The following DLG1 variants were observed in gnomAD, a reference collection of about 807,000 sequenced individuals.
The protein encoded by DLG1 is discs large MAGUK scaffold protein 1.
DLG1 carries 42 observed loss-of-function variants against 123.4 expected under a neutral mutation model. That is an observed-to-expected ratio of 0.34 (90% CI 0.27 to 0.44). The LOEUF (loss-of-function observed/expected upper bound fraction) is 0.44, where lower values mean the gene tolerates loss of function less well. Among genes scored for constraint, DLG1 ranks in the 20% least tolerant of loss-of-function variants. DLG1 has a pLI of 1.00. For missense variants in DLG1, 942 were observed against 1,082.6 expected (o/e 0.87, Z 1.82); for synonymous variants, 317 against 356.2 (o/e 0.89, Z 1.24).
chr3:197,131,362 CAATT>C (rs1197306799), intron 10 of DLG1, among the ~76,000 whole-genome samples: 3 of 152,010 alleles, frequency 2.0e-5, no homozygotes, highest in Admixed American at 6.5e-5. Flanking sequence ...ATTTATACAT[CAATT>C]AGTTTTAAAT....
intron 4 of DLG1, among the ~76,000 whole-genome samples, chr3:197,224,327 A>G (rs1194733011): frequency 6.6e-6 from 1 of 152,154 alleles, no homozygotes; most frequent in Non-Finnish European, 1.5e-5. Context: ...TTTTATAATA[A>G]TAGTATTTTG....
intron 24 of DLG1, among the ~76,000 whole-genome samples, chr3:197,050,283 C>T (rs1407215430): frequency 1.3e-5 from 2 of 151,786 alleles, no homozygotes; most frequent in Non-Finnish European, 2.9e-5. Flanking sequence ...AGGAGAATGG[C>T]GTGAACACGG....
Position 197,136,731 on chromosome 3 carries a change from G to A in DLG1, c.884-53C>T, listed in dbSNP as rs937451271. 27 of 1,491,036 alleles carry A rather than the reference G, an allele frequency of 1.8e-5. No homozygotes were observed. The African/African-American group carries it at 3.4e-4, about 19-fold the overall frequency. The allele number at this position is 1,491,036 out of a possible 1,614,324, so 92.4% of individuals were successfully genotyped here. Reference sequence around the variant, plus strand: ...ATCCATAAATATGAACTTAAGCCCAGAAAGAAATGGTTGAAAACTACAAGG... The same window carrying A: ...ATCCATAAATATGAACTTAAGCCCAAAAAGAAATGGTTGAAAACTACAAGG... On this transcript the variant is annotated intron_variant, in intron 9 of 24. Coordinates refer to ENST00000667157, the MANE Select transcript of DLG1 (RefSeq NM_001366207.1).
intron 5 of DLG1, among the ~76,000 whole-genome samples, chr3:197,186,694 C>T (rs906312821): frequency 2.0e-5 from 3 of 152,262 alleles, no homozygotes; most frequent in African/African-American, 4.8e-5. Flanking sequence ...TCTAAAGTCA[C>T]AAACCCAGCA....
At chr3:197,222,093 T>C (rs1417780587) in intron 4 of DLG1, among the ~76,000 whole-genome samples, 1 of 152,168 alleles carries the variant, frequency 6.6e-6, no homozygotes, top group Non-Finnish European at 1.5e-5. Context: ...CAAACACAAT[T>C]TTTCCCCCGA....
intron 24 of DLG1, among the ~76,000 whole-genome samples, chr3:197,050,874 T>C (rs146952495): frequency 2.7e-3 from 414 of 152,332 alleles, no homozygotes; most frequent in African/African-American, 9.5e-3. Flanking sequence ...TACACATTTA[T>C]CAAATCACAT....
At chr3:197,195,136 G>A (rs1218081357) in intron 4 of DLG1, among the ~76,000 whole-genome samples, 2 of 151,412 alleles carry the variant, frequency 1.3e-5, no homozygotes, top group Non-Finnish European at 2.9e-5. Flanking sequence ...AAGCTGAGAA[G>A]GCCTATGGCA....
chr3:197,090,009 T>C (rs1756850052), intron 15 of DLG1, among the ~76,000 whole-genome samples: 2 of 151,776 alleles, frequency 1.3e-5, no homozygotes, highest in South Asian at 4.2e-4. Context: ...GTAAGTCATA[T>C]CATATGTAAA....
At chr3:197,101,551 A>G (rs1241727197) in intron 14 of DLG1, among the ~76,000 whole-genome samples, 1 of 151,814 alleles carries the variant, frequency 6.6e-6, no homozygotes, top group Non-Finnish European at 1.5e-5. Context: ...ACGCCTGGCT[A>G]ATTTTGGTTT....
At position 197,166,391 on chromosome 3, in the gene DLG1, G is replaced by A. The variant is rs116345201; in HGVS notation, c.484-16595C>T. 8.4e-3 allele frequency among the ~76,000 whole-genome samples: 1,284 copies of A among 152,194 alleles called. 18 individuals are homozygous for A. The highest frequency in any genetic ancestry group is 0.029 in the African/African-American group (1,216 of 41,528). ...ATAGAAAATTAGCATGAGACCTATG[G>A]TGTTACACTAAAATTGGAGGTATTG... On this transcript the variant is annotated intron_variant, in intron 5 of 24. Coordinates refer to ENST00000667157, the MANE Select transcript of DLG1 (RefSeq NM_001366207.1).
In DLG1 at chr3:197,042,805, ACT is replaced by A. The variant is rs1720991616; in HGVS notation, c.*1816_*1817del. The stretch of plus-strand genomic sequence containing the variant: ...ACTGTGTATTTCAATGTGGTAACAC[ACT>A]CTGCTGCCTAACGGCTCTTGGATTC... On this transcript the variant is annotated 3_prime_UTR_variant, in exon 25 of 25. Transcript: ENST00000667157. 1.3e-5 allele frequency: 2 copies of A among 152,228 alleles called. No individual in the cohort carries two copies. Among genetic ancestry groups the A allele is most frequent in the African/African-American group, 2.4e-5 (1 of 41,448 alleles). The allele number at this position is 152,228 out of a possible 1,614,324, so 9.4% of individuals were successfully genotyped here.
intron 12 of DLG1, among the ~76,000 whole-genome samples, chr3:197,117,384 C>T (rs1036983003): frequency 7.9e-5 from 12 of 152,236 alleles, no homozygotes; most frequent in African/African-American, 2.9e-4. Flanking sequence ...ACTTGCATGC[C>T]AGTGTTTATT....
At chr3:197,284,378 C>T (rs541675187) in intron 3 of DLG1, among the ~76,000 whole-genome samples, 4 of 152,224 alleles carry the variant, frequency 2.6e-5, no homozygotes, top group African/African-American at 9.6e-5. Flanking sequence ...CAAAATAATG[C>T]TTCAAAAGTC....
intron 1 of DLG1, chr3:197,298,272 A>C: frequency 2.2e-5 from 8 of 358,406 alleles, no homozygotes; most frequent in East Asian, 8.1e-5. Context: ...GGGGGAGGGC[A>C]GGGGAACGGA....
rs1742046242 is a variant in DLG1, at chr3:197,069,398, TTAAG to T, written c.2006-142_2006-139del. ...AGCATTTTCTTTTTCTTTGAAACGT[TTAAG>T]TTTTTCAAATAATAAATATATATTA... On this transcript the variant is annotated intron_variant, in intron 18 of 24. Transcript: ENST00000667157. 1.0e-5 allele frequency: 5 copies of T among 502,042 alleles called. No individual in the cohort carries two copies. The Middle Eastern group carries it at 1.2e-3, about 124-fold the overall frequency. 31.1% of individuals were successfully genotyped at this position (502,042 alleles called of 1,614,324 possible). A position where few individuals can be genotyped will look rare whatever the true frequency, so the allele number is the denominator to read the frequency against.
rs141413753 is a variant in DLG1, at chr3:197,253,407, C to T, written c.318+29272G>A. 9.5e-4 allele frequency among the ~76,000 whole-genome samples: 144 copies of T among 152,194 alleles called. 1 individual carries two copies. Among genetic ancestry groups the T allele is most frequent in the African/African-American group, 3.3e-3 (136 of 41,534 alleles). ...AAAATGAGGCAACACCAAATGCTGG[C>T]AAGGATGTGGAAAAACTCGATCATT... On this transcript the variant is annotated intron_variant, in intron 4 of 24. Transcript: ENST00000667157.
intron 14 of DLG1, among the ~76,000 whole-genome samples, chr3:197,094,212 G>A (rs1291171501): frequency 6.6e-6 from 1 of 152,152 alleles, no homozygotes; most frequent in Non-Finnish European, 1.5e-5. Flanking sequence ...ATGCCAGAAG[G>A]AAAACAAGAA....
At chr3:197,118,383 A>G (rs1407138341) in intron 12 of DLG1, among the ~76,000 whole-genome samples, 1 of 152,210 alleles carries the variant, frequency 6.6e-6, no homozygotes, top group Non-Finnish European at 1.5e-5. Context: ...ACAAATAAGA[A>G]CACTATTCTT....
intron 3 of DLG1, among the ~76,000 whole-genome samples, chr3:197,286,404 T>C (rs1446598273): frequency 1.3e-5 from 2 of 152,198 alleles, no homozygotes; most frequent in African/African-American, 2.4e-5. Flanking sequence ...AGGCATTAGA[T>C]TCTCTCATAA....
Sources: gnomAD v4.1 joint callset for allele counts (sites outside exome capture counted in the v4.1 genomes callset) on GRCh38, gnomAD v4.1.1 for gene constraint, MANE v1.5 for transcripts, NCBI Gene and HGNC (gene_info 2026-07-23, HGNC 2026-07-21) for gene names.